JMY: variants seen among roughly 807,000 people sequenced by gnomAD.
JMY encodes junction-mediating and -regulatory protein.
JMY carries 46 observed loss-of-function variants against 103.3 expected under a neutral mutation model. The observed-to-expected ratio is 0.45, with a 90% CI of 0.35 to 0.57. JMY has a LOEUF of 0.57. Ranked by LOEUF, JMY falls within the 20% of genes least tolerant of loss-of-function variation. The pLI is 0.00. For missense variants in JMY, 1,238 were observed against 1,255.2 expected (o/e 0.99, Z 0.21); for synonymous variants, 526 against 489.3 (o/e 1.07, Z -0.99).
chr5:79,270,271 TTA>T (rs773019906), intron 1 of JMY, among the ~76,000 whole-genome samples: 36 of 148,322 alleles, frequency 2.4e-4, no homozygotes, highest in Admixed American at 8.1e-4. Context: ...ATATAAAAAT[TTA>T]TATGTTTATA....
In JMY at chr5:79,278,012, C is replaced by T; in HGVS notation, c.1135C>T (p.Leu379Phe). The T allele has an allele frequency of 1.2e-6, 2 of 1,614,022 alleles. No homozygotes were observed. The highest frequency in any genetic ancestry group is 1.7e-6 in the Non-Finnish European group (2 of 1,179,942). ...YSSLAEATTELYQYLLQPFRD... is the reference protein window; with the variant it reads ...YSSLAEATTEFYQYLLQPFRD... ...CAGCCTTGCAGAAGCTACAACCGAA[C>T]TCTATCAGTATTTACTACAGCCATT... is the stretch of plus-strand genomic sequence containing the variant. The change falls in exon 2 of 11, where the codon CTC (leucine) becomes TTC (phenylalanine). Residue 379 changes from leucine (L) to phenylalanine (F), a missense_variant. Coordinates refer to ENST00000396137, the MANE Select transcript of JMY (RefSeq NM_152405.5).
intron 1 of JMY, among the ~76,000 whole-genome samples, chr5:79,276,214 G>C (rs1745931175): frequency 6.6e-6 from 1 of 152,172 alleles, no homozygotes; most frequent in Admixed American, 6.5e-5. Context: ...TGCCTACCCG[G>C]TTCAAGTGAT....
At chr5:79,271,398 G>A (rs146738038) in intron 1 of JMY, among the ~76,000 whole-genome samples, 7 of 152,196 alleles carry the variant, frequency 4.6e-5, no homozygotes, top group African/African-American at 1.7e-4. Flanking sequence ...CTCACAAAAC[G>A]AGTTAGGAAG....
At chr5:79,270,179 A>G (rs1351589375) in intron 1 of JMY, among the ~76,000 whole-genome samples, 1 of 151,710 alleles carries the variant, frequency 6.6e-6, no homozygotes, top group South Asian at 2.1e-4. Context: ...GACTTTCAGT[A>G]CTATGTTAAA....
intron 4 of JMY, among the ~76,000 whole-genome samples, chr5:79,296,659 C>T (rs188069076): frequency 1.2e-3 from 182 of 152,296 alleles, no homozygotes; most frequent in African/African-American, 4.2e-3. Flanking sequence ...GACTTATTTT[C>T]GAACCCTCAT....
At chr5:79,265,895 T>C (rs7735750) in intron 1 of JMY, among the ~76,000 whole-genome samples, 70,990 of 151,348 alleles carry the variant, frequency 0.47, 17,255 homozygotes, top group African/African-American at 0.61. Context: ...ATTCTTCTGC[T>C]TCAGCCTCCC....
At chr5:79,254,378 A>G (rs1745177608) in intron 1 of JMY, among the ~76,000 whole-genome samples, 1 of 152,088 alleles carries the variant, frequency 6.6e-6, no homozygotes, top group South Asian at 2.1e-4. Flanking sequence ...TGTCAGGGAA[A>G]GTCTTTATTT....
chr5:79,278,136 C>T, intron 2 of JMY, 53 bp downstream of exon 2: 1 of 1,404,734 alleles, frequency 7.1e-7, no homozygotes, highest in South Asian at 1.4e-5. Context: ...AGTTCTCAGC[C>T]TGAAAGGCCA....
At chr5:79,241,825 A>G (rs562500723) in intron 1 of JMY, among the ~76,000 whole-genome samples, 3 of 152,316 alleles carry the variant, frequency 2.0e-5, no homozygotes, top group Non-Finnish European at 4.4e-5. Context: ...TATACAGTAG[A>G]CACTGAATCA....
In JMY at chr5:79,300,863, G is replaced by T; in HGVS notation, c.1881G>T (p.Lys627Asn). ...SAKKSYLRNK[K>N]EICIAKHNEK... ...AGAAATCCTACCTCAGAAATAAAAA[G>T]GTATTTAAATATTGCTTTTGTTCAT... is the stretch of plus-strand genomic sequence containing the variant. The change falls in exon 6 of 11, where the codon AAG (lysine) becomes AAT (asparagine). Residue 627 changes from lysine to asparagine, a missense_variant and splice_region_variant. Lys to Asn is a moderately conservative substitution (Grantham distance 94). Transcript: ENST00000396137. 6.3e-7 allele frequency: 1 copy of T among 1,582,290 alleles called. No individual in the cohort carries two copies. The highest frequency in any genetic ancestry group is 8.6e-7 in the Non-Finnish European group (1 of 1,167,744).
intron 4 of JMY, among the ~76,000 whole-genome samples, chr5:79,297,316 A>AG (rs886566618): frequency 6.6e-6 from 1 of 152,128 alleles, no homozygotes; most frequent in Admixed American, 6.5e-5. Context: ...CTTCTTGCCC[A>AG]GGGAAGCACT....
rs772742545 is a variant in JMY, at chr5:79,314,567, A to G, written c.2375A>G (p.Asn792Ser). The part of the protein sequence containing the change: ...PTISLPLLNN[N>S]LEPCSVTINP... ...ATATCTCTTCCACTTTTGAATAACA[A>G]CCTCGAACCATGTTCTGTTACCATA... The change falls in exon 9 of 11, where the codon AAC (asparagine) becomes AGC (serine). Residue 792 changes from asparagine (N) to serine (S), a missense_variant. Transcript: ENST00000396137. The G allele has an allele frequency of 1.9e-6, 3 of 1,614,016 alleles. No homozygotes were observed. Among genetic ancestry groups the G allele is most frequent in the Non-Finnish European group, 2.5e-6 (3 of 1,180,004 alleles).
intron 1 of JMY, among the ~76,000 whole-genome samples, chr5:79,244,396 G>C (rs962533142): frequency 6.6e-6 from 1 of 152,194 alleles, no homozygotes; most frequent in African/African-American, 2.4e-5. Flanking sequence ...ATAAGGGAGT[G>C]TGTATGTGTG....
chr5:79,248,250 G>C (rs1019060377), intron 1 of JMY, among the ~76,000 whole-genome samples: 1 of 151,038 alleles, frequency 6.6e-6, no homozygotes. Context: ...GGCTGGTCTC[G>C]AACTCCTGGC....
intron 1 of JMY, among the ~76,000 whole-genome samples, chr5:79,241,619 C>T (rs1242012654): frequency 6.6e-6 from 1 of 152,090 alleles, no homozygotes; most frequent in Non-Finnish European, 1.5e-5. Flanking sequence ...TATCTGTGGG[C>T]ATGTGTGCAT....
At chr5:79,294,888 C>T (rs987683628) in intron 4 of JMY, among the ~76,000 whole-genome samples, 4 of 151,574 alleles carry the variant, frequency 2.6e-5, no homozygotes, top group Non-Finnish European at 5.9e-5. Context: ...TATCAGTGTG[C>T]TTTCTTTCCC....
intron 1 of JMY, among the ~76,000 whole-genome samples, chr5:79,270,729 T>C (rs1470960326): frequency 6.8e-6 from 1 of 147,466 alleles, no homozygotes; most frequent in Non-Finnish European, 1.5e-5. Flanking sequence ...TAAATATATA[T>C]ACACCATAAA....
intron 1 of JMY, among the ~76,000 whole-genome samples, chr5:79,269,753 C>T (rs957153154): frequency 1.3e-5 from 2 of 151,166 alleles, no homozygotes; most frequent in Non-Finnish European, 2.9e-5. Context: ...TTTTTAGAGA[C>T]AGGGTATTGC....
At chr5:79,313,759 C>T (rs1171907331) in intron 8 of JMY, among the ~76,000 whole-genome samples, 2 of 152,028 alleles carry the variant, frequency 1.3e-5, no homozygotes, top group Non-Finnish European at 2.9e-5. Context: ...AATTATCAAT[C>T]GTGGATTTGA....
Sources: allele counts gnomAD v4.1 joint callset (sites outside exome capture counted in the v4.1 genomes callset), GRCh38; gene constraint gnomAD v4.1.1; transcripts MANE v1.5; gene names NCBI Gene and HGNC (gene_info 2026-07-23, HGNC 2026-07-21).